FFAR2: variants seen among roughly 807,000 people sequenced by gnomAD.
FFAR2 encodes G-protein coupled receptor 43.
For synonymous variants in FFAR2, 193 were observed against 189.9 expected (o/e 1.02, Z -0.13); for missense variants, 421 against 428.9 (o/e 0.98, Z 0.16).
In FFAR2 at chr19:35,449,991, A is replaced by G; in HGVS notation, c.277A>G (p.Ile93Val). ...ALTSFGFYSS[I>V]YCSTWLLAGI... ...CACGAGTTTTGGCTTCTACAGCAGCATCTACTGCAGCACGTGGCTCCTGGC... is the reference window on the plus strand; with the variant it reads ...CACGAGTTTTGGCTTCTACAGCAGCGTCTACTGCAGCACGTGGCTCCTGGC... The change falls in exon 2 of 2, where the codon ATC becomes GTC. Residue 93 changes from isoleucine (I) to valine (V), a missense_variant. Coordinates refer to ENST00000599180, the MANE Select transcript of FFAR2 (RefSeq NM_001370087.1). 1.9e-6 allele frequency: 3 copies of G among 1,614,152 alleles called. No individual in the cohort carries two copies. Among genetic ancestry groups the G allele is most frequent in the Admixed American group, 3.3e-5 (2 of 60,024 alleles).
intron 1 of FFAR2, among the ~76,000 whole-genome samples, chr19:35,449,245 G>A (rs777061614): frequency 1.5e-4 from 23 of 152,234 alleles, no homozygotes; most frequent in Non-Finnish European, 2.8e-4. Context: ...CCTTTGGAGA[G>A]CTGGCACTGG....
In FFAR2 at chr19:35,451,042, GA is replaced by G; in HGVS notation, c.*339del. On this transcript the variant is annotated 3_prime_UTR_variant, in exon 2 of 2. Coordinates refer to ENST00000599180, the MANE Select transcript of FFAR2 (RefSeq NM_001370087.1). ...ATTGAGAACATCCTGGTCAACATGGGAAAACCCCGTCTCTACTAAAAATACA... is the reference window on the plus strand; with the variant it reads ...ATTGAGAACATCCTGGTCAACATGGGAAACCCCGTCTCTACTAAAAATACA... 1 of 226,806 alleles carries G rather than the reference GA, an allele frequency of 4.4e-6. No homozygotes were observed. The highest frequency in any genetic ancestry group is 7.2e-5 in the South Asian group (1 of 13,840). The allele number at this position is 226,806 out of a possible 1,614,324, so 14.0% of individuals were successfully genotyped here. A position where few individuals can be genotyped will look rare whatever the true frequency, so the allele number is the denominator to read the frequency against.
rs368067230 is a variant in FFAR2, at chr19:35,450,440, C to T, written c.726C>T (p.His242=). The T allele has an allele frequency of 8.2e-5, 133 of 1,614,122 alleles. No homozygotes were observed. The highest frequency in any genetic ancestry group is 1.0e-4 in the Admixed American group (6 of 60,010). ...LVCFGPYNVS[H]LVGYHQRKSP... ...GCTTCGGACCTTACAACGTGTCCCA[C>T]CTGGTGGGGTATCACCAGAGAAAAA... The change falls in exon 2 of 2, where the codon CAC becomes CAT. Residue 242 remains histidine (H), a synonymous_variant. Transcript: ENST00000599180.
rs758560714 is a variant in FFAR2 at position 35,450,034 on chromosome 19, G to T, written c.320G>T (p.Arg107Leu). The change falls in exon 2 of 2, where the codon CGC becomes CTC. Residue 107 changes from arginine to leucine, a missense_variant. Physicochemically the swap from Arg to Leu is moderately radical, Grantham distance 102. Coordinates refer to ENST00000599180, the MANE Select transcript of FFAR2 (RefSeq NM_001370087.1). The part of the protein sequence containing the change: ...TWLLAGISIE[R>L]YLGVAFPVQY... ...CTCCTGGCGGGCATCAGCATCGAGC[G>T]CTACCTGGGAGTGGCTTTCCCCGTG... 1.2e-6 allele frequency: 2 copies of T among 1,614,166 alleles called. No homozygotes were observed. The highest frequency in any genetic ancestry group is 1.7e-6 in the Non-Finnish European group (2 of 1,180,026).
rs1482568275 is a variant in FFAR2, at chr19:35,450,747, G to A, written c.*40G>A. On this transcript the variant is annotated 3_prime_UTR_variant, in exon 2 of 2. Coordinates refer to ENST00000599180, the MANE Select transcript of FFAR2 (RefSeq NM_001370087.1). ...CTTCAGAGGTCGCCTGGGTTACACA[G>A]GAGCTGGGAAGCCTGGGAGAGGCGG... The A allele has an allele frequency of 6.3e-7, 1 of 1,576,672 alleles. No homozygotes were observed. Among genetic ancestry groups the A allele is most frequent in the African/African-American group, 1.4e-5 (1 of 74,060 alleles).
At position 35,451,347 on chromosome 19, in the gene FFAR2, A is replaced by G. The variant is rs368664742; in HGVS notation, c.*640A>G. The G allele has an allele frequency of 1.3e-5, 2 of 152,224 alleles. No homozygotes were observed. The highest frequency in any genetic ancestry group is 3.8e-4 in the East Asian group (2 of 5,208). 9.4% of individuals were successfully genotyped at this position (152,224 alleles called of 1,614,324 possible). ...CAGGCTGAAGCAGAGAGTCCTAGAG[A>G]AATCTCGATACAAGCTTCAAAGCAA... On this transcript the variant is annotated 3_prime_UTR_variant, in exon 2 of 2. Coordinates refer to ENST00000599180, the MANE Select transcript of FFAR2 (RefSeq NM_001370087.1).
Position 35,451,151 on chromosome 19 carries a change from A to G in FFAR2, c.*444A>G, listed in dbSNP as rs1171186417. 1 of 156,024 alleles carries G rather than the reference A, an allele frequency of 6.4e-6. No homozygotes were observed. Among genetic ancestry groups the G allele is most frequent in the African/African-American group, 2.5e-5 (1 of 39,412 alleles). 9.7% of individuals were successfully genotyped at this position (156,024 alleles called of 1,614,324 possible). A position where few individuals can be genotyped will look rare whatever the true frequency, so the allele number is the denominator to read the frequency against. On this transcript the variant is annotated 3_prime_UTR_variant, in exon 2 of 2. Transcript: ENST00000599180. Reference sequence around the variant, plus strand: ...AGGCAGGAGAATCCTTGAACCCGGGAGTTGGAGGTTGCAGTGAGCTGAGAT... The same window carrying G: ...AGGCAGGAGAATCCTTGAACCCGGGGGTTGGAGGTTGCAGTGAGCTGAGAT...
At chr19:35,449,645 G>A in intron 1 of FFAR2, 69 bp from the exon 2 acceptor site, 8 of 1,493,784 alleles carry the variant, frequency 5.4e-6, no homozygotes, top group Non-Finnish European at 7.2e-6. Context: ...TCCGCATCCT[G>A]AAGGAGAGCT....
rs11332202 is a variant in FFAR2 at position 35,451,243 on chromosome 19, A to AG, written c.*537dup. 2 of 148,904 alleles carry AG rather than the reference A, an allele frequency of 1.3e-5. No homozygotes were observed. Among genetic ancestry groups the AG allele is most frequent in the African/African-American group, 5.1e-5 (2 of 39,590 alleles). The allele number at this position is 148,904 out of a possible 1,614,324, so 9.2% of individuals were successfully genotyped here. A position where few individuals can be genotyped will look rare whatever the true frequency, so the allele number is the denominator to read the frequency against. On this transcript the variant is annotated 3_prime_UTR_variant, in exon 2 of 2. Coordinates refer to ENST00000599180, the MANE Select transcript of FFAR2 (RefSeq NM_001370087.1). Reference sequence around the variant, plus strand: ...TTTAAAAAAAAAAAAAAAAAAAAAAAGAAGCACCTTCAGGCTGGAGAAGCA... The same window carrying AG: ...TTTAAAAAAAAAAAAAAAAAAAAAAAGGAAGCACCTTCAGGCTGGAGAAGCA...
chr19:35,450,399 C>G lies in FFAR2; in HGVS notation c.685C>G (p.Leu229Val). The change falls in exon 2 of 2, where the codon CTC (leucine) becomes GTC (valine). Residue 229 changes from leucine to valine, a missense_variant. Leu to Val is a conservative substitution (Grantham distance 32). Coordinates refer to ENST00000599180, the MANE Select transcript of FFAR2 (RefSeq NM_001370087.1). ...RAVGLAVVTLLNFLVCFGPYN... is the reference protein window; with the variant it reads ...RAVGLAVVTLVNFLVCFGPYN... ...CGTGGGGCTGGCTGTGGTGACGCTG[C>G]TCAATTTCCTGGTGTGCTTCGGACC... 1 of 1,614,246 alleles carries G rather than the reference C, an allele frequency of 6.2e-7. No homozygotes were observed. Among genetic ancestry groups the G allele is most frequent in the South Asian group, 1.1e-5 (1 of 91,092 alleles).
chr19:35,449,769 C>T lies in FFAR2; in HGVS notation c.55C>T (p.Leu19Phe), dbSNP rs766695064. 3 of 1,598,194 alleles carry T rather than the reference C, an allele frequency of 1.9e-6. No individual in the cohort carries two copies. Among genetic ancestry groups the T allele is most frequent in the Non-Finnish European group, 1.7e-6 (2 of 1,173,390 alleles). ...LILMAYIIIF[L>F]TGLPANLLAL... ...CCTCATGGCTTACATCATCATCTTC[C>T]TCACTGGCCTCCCTGCCAACCTCCT... The change falls in exon 2 of 2, where the codon CTC becomes TTC. Residue 19 changes from leucine (L) to phenylalanine (F), a missense_variant. By Grantham distance (22) the Leu-to-Phe change is conservative. Coordinates refer to ENST00000599180, the MANE Select transcript of FFAR2 (RefSeq NM_001370087.1).
At chr19:35,449,327 C>T (rs1357828474) in intron 1 of FFAR2, among the ~76,000 whole-genome samples, 2 of 152,164 alleles carry the variant, frequency 1.3e-5, no homozygotes, top group Non-Finnish European at 2.9e-5. Context: ...GGCACTGATG[C>T]CTTTCTCTCC....
At position 35,451,022 on chromosome 19, in the gene FFAR2, GAAC is replaced by G; in HGVS notation, c.*317_*319del. ...GGATCACTTGAGGTCGGGAGATTGA[GAAC>G]ATCCTGGTCAACATGGGAAAACCCC... On this transcript the variant is annotated 3_prime_UTR_variant, in exon 2 of 2. Coordinates refer to ENST00000599180, the MANE Select transcript of FFAR2 (RefSeq NM_001370087.1). The G allele has an allele frequency of 3.9e-6, 1 of 258,936 alleles. No homozygotes were observed. The highest frequency in any genetic ancestry group is 8.1e-5 in the East Asian group (1 of 12,370). The allele number at this position is 258,936 out of a possible 1,614,324, so 16.0% of individuals were successfully genotyped here.
chr19:35,450,222 G>T lies in FFAR2; in HGVS notation c.508G>T (p.Asp170Tyr), dbSNP rs201383852. Residue 170 changes from aspartate to tyrosine, a missense_variant, in exon 2 of 2, where the codon GAT becomes TAT. Coordinates refer to ENST00000599180, the MANE Select transcript of FFAR2 (RefSeq NM_001370087.1). ...AATTACCTGCTACGAGAACTTCACC[G>T]ATAACCAGTTGGACGTGGTGCTGCC... ...NEITCYENFTDNQLDVVLPVR... is the reference protein window; with the variant it reads ...NEITCYENFTYNQLDVVLPVR... 1.9e-6 allele frequency: 3 copies of T among 1,614,144 alleles called. No homozygotes were observed. The East Asian group carries it at 6.7e-5, about 36-fold the overall frequency.
intron 1 of FFAR2, among the ~76,000 whole-genome samples, chr19:35,449,116 T>C (rs2067363570): frequency 1.3e-5 from 2 of 152,050 alleles, no homozygotes; most frequent in African/African-American, 4.8e-5. Flanking sequence ...AGCTTCCCCT[T>C]TTCTAGAGAG....
In FFAR2 at chr19:35,450,566, T is replaced by C; in HGVS notation, c.852T>C (p.Phe284=). ...YFSSSVVRRA[F]GRGLQVLRNQ... ...CTTCTTCAGTGGTGCGCAGGGCATTTGGGAGAGGGCTGCAGGTGCTGCGGA... is the reference window on the plus strand; with the variant it reads ...CTTCTTCAGTGGTGCGCAGGGCATTCGGGAGAGGGCTGCAGGTGCTGCGGA... Residue 284 remains phenylalanine, a synonymous_variant, in exon 2 of 2, where the codon TTT becomes TTC. Coordinates refer to ENST00000599180, the MANE Select transcript of FFAR2 (RefSeq NM_001370087.1). 1 of 1,614,176 alleles carries C rather than the reference T, an allele frequency of 6.2e-7. No homozygotes were observed. Among genetic ancestry groups the C allele is most frequent in the Non-Finnish European group, 8.5e-7 (1 of 1,180,026 alleles).
In FFAR2 at chr19:35,450,852, A is replaced by G. The variant is rs1052841278; in HGVS notation, c.*145A>G. The G allele has an allele frequency of 1.3e-4, 100 of 782,744 alleles. No individual in the cohort carries two copies. Among genetic ancestry groups the G allele is most frequent in the South Asian group, 5.6e-5 (3 of 53,718 alleles). The allele number at this position is 782,744 out of a possible 1,614,324, so 48.5% of individuals were successfully genotyped here. Reference sequence around the variant, plus strand: ...GACTTTGAAAAAAATGCCTTTCACCAGCTTGGTATCCCTTCCTGACTGAAT... The same window carrying G: ...GACTTTGAAAAAAATGCCTTTCACCGGCTTGGTATCCCTTCCTGACTGAAT... On this transcript the variant is annotated 3_prime_UTR_variant, in exon 2 of 2. Coordinates refer to ENST00000599180, the MANE Select transcript of FFAR2 (RefSeq NM_001370087.1).
Position 35,451,087 on chromosome 19 carries a change from G to C in FFAR2, c.*380G>C. On this transcript the variant is annotated 3_prime_UTR_variant, in exon 2 of 2. Transcript: ENST00000599180. ...AAATACAAAAAAATTAGCTGGGCAT[G>C]GTGGCACATGCCTATAATCCCAGCT... 5.2e-6 allele frequency: 1 copy of C among 193,902 alleles called. No individual in the cohort carries two copies. Among genetic ancestry groups the C allele is most frequent in the Middle Eastern group, 2.4e-3 (1 of 416 alleles). 12.0% of individuals were successfully genotyped at this position (193,902 alleles called of 1,614,324 possible).
chr19:35,450,019 G>T lies in FFAR2; in HGVS notation c.305G>T (p.Gly102Val), dbSNP rs1425705423. The T allele has an allele frequency of 6.2e-7, 1 of 1,614,086 alleles. No homozygotes were observed. Among genetic ancestry groups the T allele is most frequent in the African/African-American group, 1.3e-5 (1 of 74,924 alleles). ...SIYCSTWLLA[G>V]ISIERYLGVA... ...TACTGCAGCACGTGGCTCCTGGCGG[G>T]CATCAGCATCGAGCGCTACCTGGGA... The change falls in exon 2 of 2, where the codon GGC (glycine) becomes GTC (valine). Residue 102 changes from glycine to valine, a missense_variant. Coordinates refer to ENST00000599180, the MANE Select transcript of FFAR2 (RefSeq NM_001370087.1).
Sources: allele counts gnomAD v4.1 joint callset (sites outside exome capture counted in the v4.1 genomes callset), GRCh38; gene constraint gnomAD v4.1.1; transcripts MANE v1.5; gene names NCBI Gene and HGNC (gene_info 2026-07-23, HGNC 2026-07-21).